Variants in TDRD9 observed in about 807,000 individuals in gnomAD.
TDRD9 encodes the protein ATP-dependent RNA helicase TDRD9.
In TDRD9, 124 loss-of-function variants were observed where a neutral mutation model predicts 172.6. That is an observed-to-expected ratio of 0.72 (90% confidence interval 0.62 to 0.83). The LOEUF is 0.83. Ranked by LOEUF, TDRD9 falls within the 40% of genes least tolerant of loss-of-function variation. The pLI is 0.00. For synonymous variants in TDRD9, 619 were observed against 617.1 expected (o/e 1.00, Z -0.05); for missense variants, 1,479 against 1,714.1 (o/e 0.86, Z 2.42).
At chr14:104,008,505 T>A in intron 20 of TDRD9, 39 bp downstream of exon 20, 1 of 1,269,728 alleles carries the variant, frequency 7.9e-7, no homozygotes, top group East Asian at 2.3e-5. Flanking sequence ...GCAAATAAAG[T>A]TGACTTATGA....
intron 27 of TDRD9, 49 bp downstream of exon 27, chr14:104,026,185 T>A (rs956272585): frequency 5.5e-6 from 7 of 1,279,026 alleles, no homozygotes; most frequent in Non-Finnish European, 5.7e-6. Flanking sequence ...CTGGACAGGA[T>A]TCCTGGGTGG....
At chr14:104,043,901 C>T (rs2035684131) in intron 34 of TDRD9, among the ~76,000 whole-genome samples, 2 of 152,176 alleles carry the variant, frequency 1.3e-5, no homozygotes, top group African/African-American at 2.4e-5. Context: ...TGAGAACAGG[C>T]CTTGGGCCTG....
chr14:104,030,231 A>G lies in TDRD9; in HGVS notation c.3283-877A>G, dbSNP rs150788997. Among the ~76,000 whole-genome samples the G allele has an allele frequency of 8.2e-3, 1,250 of 152,330 alleles. 16 individuals are homozygous for G. Among genetic ancestry groups the G allele is most frequent in the African/African-American group, 0.029 (1,190 of 41,580 alleles). ...CTGTAGACCAGGTGCAGTGGCTCAC[A>G]TCTGTAATCCCAGCATTTTGGGAGG... On this transcript the variant is annotated intron_variant, in intron 28 of 35. Transcript: ENST00000409874.
chr14:103,949,971 C>T (rs1457842521), intron 1 of TDRD9, among the ~76,000 whole-genome samples: 4 of 151,520 alleles, frequency 2.6e-5, no homozygotes, highest in Admixed American at 1.3e-4. Context: ...CCACCATGCC[C>T]GGCCAGCTTT....
intron 2 of TDRD9, among the ~76,000 whole-genome samples, chr14:103,961,890 G>A (rs1368665114): frequency 3.3e-5 from 5 of 152,228 alleles, no homozygotes. Context: ...GGCCGAGGGT[G>A]ACACAGCAGG....
intron 2 of TDRD9, among the ~76,000 whole-genome samples, chr14:103,961,574 A>G (rs1340395715): frequency 6.6e-6 from 1 of 151,320 alleles, no homozygotes; most frequent in African/African-American, 2.4e-5. Context: ...AAAAAGAAAA[A>G]AGAAAAAGAA....
At chr14:103,938,225 A>G (rs916189515) in intron 1 of TDRD9, among the ~76,000 whole-genome samples, 1 of 151,844 alleles carries the variant, frequency 6.6e-6, no homozygotes, top group Non-Finnish European at 1.5e-5. Context: ...TCGAGAGCCT[A>G]TTATATGTCG....
At chr14:103,959,453 A>G (rs1232916819) in intron 2 of TDRD9, among the ~76,000 whole-genome samples, 1 of 70,058 alleles carries the variant, frequency 1.4e-5, no homozygotes, top group Non-Finnish European at 3.0e-5. Context: ...AGGTCAGGTT[A>G]TCGTGTGTGT....
chr14:104,021,400 A>G (rs1283806095), intron 23 of TDRD9, among the ~76,000 whole-genome samples: 1 of 152,206 alleles, frequency 6.6e-6, no homozygotes, highest in Admixed American at 6.5e-5. Context: ...TCACTTGGCA[A>G]TCAATGGTTT....
chr14:104,037,290 C>T (rs1008831315), intron 32 of TDRD9, among the ~76,000 whole-genome samples: 6 of 152,160 alleles, frequency 3.9e-5, no homozygotes, highest in Middle Eastern at 3.2e-3. Flanking sequence ...CGCCCATGCC[C>T]GTTTGCTTCC....
chr14:103,957,671 G>C (rs187254379), intron 2 of TDRD9, among the ~76,000 whole-genome samples: 5 of 152,350 alleles, frequency 3.3e-5, no homozygotes, highest in South Asian at 4.1e-4. Context: ...TGTGGAAAGA[G>C]AGCCATCATC....
chr14:103,939,741 G>GTTTTTTTTTTT (rs1322302073), intron 1 of TDRD9: 3 of 4,654 alleles, frequency 6.4e-4, no homozygotes, highest in Non-Finnish European at 2.8e-3. Flanking sequence ...TTGAAAAAAA[G>GTTTTTTTTTTT]TGTTTTTTTT....
intron 23 of TDRD9, among the ~76,000 whole-genome samples, chr14:104,018,743 T>G (rs2034866812): frequency 6.6e-6 from 1 of 152,240 alleles, no homozygotes; most frequent in Non-Finnish European, 1.5e-5. Flanking sequence ...CCAAAAAGCC[T>G]AAAGTAGGAT....
rs538065783 is a variant in TDRD9, at chr14:103,961,219, C to T, written c.323-1860C>T. On this transcript the variant is annotated intron_variant, in intron 2 of 35. Coordinates refer to ENST00000409874, the MANE Select transcript of TDRD9 (RefSeq NM_153046.3). ...GAAGAGGAATGGAAGGAAAGTGAGA[C>T]GTGATAATGGAAAGAAAATCCCTGT... Among the ~76,000 whole-genome samples the T allele has an allele frequency of 1.1e-3, 160 of 152,232 alleles. 1 individual carries two copies. Among genetic ancestry groups the T allele is most frequent in the African/African-American group, 3.8e-3 (158 of 41,528 alleles).
Position 103,998,747 on chromosome 14 carries a change from A to C in TDRD9, c.1483+19A>C, listed in dbSNP as rs1421223880. ...AGAAAAGGTAAGACATTTGTGTTAAAGCACAATAATGAGTCATTGGTGACA... is the reference window on the plus strand; with the variant it reads ...AGAAAAGGTAAGACATTTGTGTTAACGCACAATAATGAGTCATTGGTGACA... On this transcript the variant is annotated intron_variant, in intron 13 of 35. Coordinates refer to ENST00000409874, the MANE Select transcript of TDRD9 (RefSeq NM_153046.3). 2.3e-6 allele frequency: 3 copies of C among 1,329,670 alleles called. No individual in the cohort carries two copies. Among genetic ancestry groups the C allele is most frequent in the Non-Finnish European group, 3.2e-6 (3 of 923,506 alleles). 82.4% of individuals were successfully genotyped at this position (1,329,670 alleles called of 1,614,324 possible). A position where few individuals can be genotyped will look rare whatever the true frequency, so the allele number is the denominator to read the frequency against.
At chr14:104,011,910 A>T (rs2034624365) in intron 20 of TDRD9, among the ~76,000 whole-genome samples, 1 of 152,158 alleles carries the variant, frequency 6.6e-6, no homozygotes, top group African/African-American at 2.4e-5. Flanking sequence ...AAATCAGCAA[A>T]GGTTAAAAAA....
intron 2 of TDRD9, among the ~76,000 whole-genome samples, chr14:103,959,455 CGT>C (rs151216232): frequency 5.5e-4 from 79 of 144,080 alleles, no homozygotes; most frequent in South Asian, 1.4e-3. Context: ...GTCAGGTTAT[CGT>C]GTGTGTGTGT....
intron 34 of TDRD9, among the ~76,000 whole-genome samples, chr14:104,045,944 A>ATG (rs1432322591): frequency 6.6e-6 from 1 of 152,152 alleles, no homozygotes; most frequent in Non-Finnish European, 1.5e-5. Context: ...ACAGGGGAAA[A>ATG]TGGACTAAGA....
chr14:104,030,444 TTG>T (rs2035247558), intron 28 of TDRD9, among the ~76,000 whole-genome samples: 1 of 152,152 alleles, frequency 6.6e-6, no homozygotes, highest in Non-Finnish European at 1.5e-5. Flanking sequence ...TGAGCTGAGA[TTG>T]CGCCATTGCA....
Sources: allele counts gnomAD v4.1 joint callset (sites outside exome capture counted in the v4.1 genomes callset), GRCh38; gene constraint gnomAD v4.1.1; transcripts MANE v1.5; gene names NCBI Gene and HGNC (gene_info 2026-07-23, HGNC 2026-07-21).